The following FRYL variants were observed in gnomAD, a reference collection of about 807,000 sequenced individuals.
The protein encoded by FRYL is FRY like transcription coactivator.
FRYL carries 150 observed loss-of-function variants against 351.2 expected under a neutral mutation model. The observed-to-expected ratio is 0.43, with a 90% CI of 0.37 to 0.49. The LOEUF is 0.49. FRYL is among the 20% of genes least tolerant of loss of function. FRYL has a pLI of 0.00. For synonymous variants in FRYL, 1,153 were observed against 1,257.1 expected (o/e 0.92, Z 1.75); for missense variants, 3,036 against 3,619.3 (o/e 0.84, Z 4.13).
At chr4:48,649,446 T>A (rs1430476079) in intron 3 of FRYL, among the ~76,000 whole-genome samples, 2 of 152,216 alleles carry the variant, frequency 1.3e-5, no homozygotes, top group African/African-American at 4.8e-5. Context: ...CATAAAAGTA[T>A]GTATGCAAAA....
intron 5 of FRYL, among the ~76,000 whole-genome samples, chr4:48,621,022 C>T (rs1750535962): frequency 1.3e-5 from 2 of 152,180 alleles, no homozygotes; most frequent in African/African-American, 4.8e-5. Context: ...TTCCCTGCCT[C>T]CATATGCCAC....
chr4:48,654,298 CAAAAAAA>C (rs34418324), intron 3 of FRYL, among the ~76,000 whole-genome samples: 1 of 123,648 alleles, frequency 8.1e-6, no homozygotes, highest in Non-Finnish European at 1.7e-5. Flanking sequence ...AATAGCTGAT[CAAAAAAA>C]AAAAAAAAAC....
chr4:48,634,120 C>T (rs914992518), intron 4 of FRYL, among the ~76,000 whole-genome samples, 171 bp downstream of exon 4: 6 of 152,024 alleles, frequency 3.9e-5, no homozygotes, highest in South Asian at 2.1e-4. Flanking sequence ...TGTTCTTTTG[C>T]GACCTGCAGC....
At chr4:48,714,017 G>A (rs901461290) in intron 1 of FRYL, among the ~76,000 whole-genome samples, 6 of 151,742 alleles carry the variant, frequency 4.0e-5, no homozygotes, top group African/African-American at 1.5e-4. Context: ...GCTCCTGAAC[G>A]ACTACTGGGT....
At chr4:48,704,386 GAC>G (rs1347637781) in intron 2 of FRYL, among the ~76,000 whole-genome samples, 2 of 152,018 alleles carry the variant, frequency 1.3e-5, no homozygotes, top group Non-Finnish European at 2.9e-5. Context: ...CTCAAAATTT[GAC>G]AACATATTCT....
intron 13 of FRYL, among the ~76,000 whole-genome samples, chr4:48,601,617 TA>T (rs1339808552): frequency 2.0e-5 from 3 of 152,188 alleles, no homozygotes; most frequent in Non-Finnish European, 4.4e-5. Context: ...ATTTTAGTGA[TA>T]TTATCAAAGC....
At chr4:48,634,623 T>C (rs1009419303) in intron 3 of FRYL, 133 bp from the exon 4 acceptor site, 3 of 567,146 alleles carry the variant, frequency 5.3e-6, no homozygotes, top group East Asian at 3.4e-5. Context: ...CCATAATCCA[T>C]TTTGTCTATT....
chr4:48,515,033 C>A lies in FRYL; in HGVS notation c.7932G>T (p.Leu2644=). 6.2e-7 allele frequency: 1 copy of A among 1,613,258 alleles called. No individual in the cohort carries two copies. The highest frequency in any genetic ancestry group is 1.1e-5 in the South Asian group (1 of 91,006). The change falls in exon 56 of 64, where the codon CTG becomes CTT. Residue 2644 remains leucine, a synonymous_variant. Coordinates refer to ENST00000358350, the MANE Select transcript of FRYL (RefSeq NM_015030.2). ...TTATGATACTGTATTCTCACCTAGA[C>A]AGTCCGGAGAAATCCGCTTCTTCTT... is the stretch of plus-strand genomic sequence containing the variant. ...CEEEEADFSG[L]SSQDEEEQDG... is the part of the protein sequence containing the mutation.
intron 7 of FRYL, among the ~76,000 whole-genome samples, chr4:48,610,362 T>A (rs1389780145): frequency 6.6e-6 from 1 of 151,948 alleles, no homozygotes; most frequent in East Asian, 1.9e-4. Context: ...ATTTTAAACA[T>A]TTAAACCAGT....
intron 13 of FRYL, among the ~76,000 whole-genome samples, chr4:48,601,564 T>C (rs1298017881): frequency 6.6e-6 from 1 of 152,164 alleles, no homozygotes; most frequent in Non-Finnish European, 1.5e-5. Context: ...TCTGTGCAGA[T>C]CCAGTACCAA....
At chr4:48,500,655 T>TC (rs1253110877) in intron 62 of FRYL, among the ~76,000 whole-genome samples, 1 of 152,184 alleles carries the variant, frequency 6.6e-6, no homozygotes, top group Non-Finnish European at 1.5e-5. Context: ...TTAAATCATT[T>TC]CCCCAGTGAT....
At chr4:48,582,780 T>C in intron 19 of FRYL, 46 bp from the exon 20 acceptor site, 9 of 1,258,928 alleles carry the variant, frequency 7.1e-6, no homozygotes, top group Non-Finnish European at 9.3e-6. Flanking sequence ...ACCTTTCAAT[T>C]AGTTTTATCA....
intron 3 of FRYL, among the ~76,000 whole-genome samples, chr4:48,683,072 T>C (rs990116349): frequency 3.3e-5 from 5 of 152,162 alleles, no homozygotes; most frequent in African/African-American, 1.2e-4. Flanking sequence ...ATATATACCA[T>C]AGAATACTAT....
intron 4 of FRYL, among the ~76,000 whole-genome samples, chr4:48,626,655 T>G (rs1751889283): frequency 6.6e-6 from 1 of 152,134 alleles, no homozygotes; most frequent in Admixed American, 6.5e-5. Flanking sequence ...AATTTCAGGA[T>G]GATTTTCTAA....
At chr4:48,592,355 G>A (rs1743591806) in intron 16 of FRYL, among the ~76,000 whole-genome samples, 1 of 151,682 alleles carries the variant, frequency 6.6e-6, no homozygotes, top group African/African-American at 2.4e-5. Context: ...TTAACTACAT[G>A]AGCTCTTACA....
intron 3 of FRYL, among the ~76,000 whole-genome samples, chr4:48,669,614 AT>A (rs955319572): frequency 2.8e-4 from 41 of 148,708 alleles, no homozygotes; most frequent in Admixed American, 1.4e-3. Flanking sequence ...GATATATATA[AT>A]TTTTATTACA....
At chr4:48,641,961 C>T (rs1247831102) in intron 3 of FRYL, among the ~76,000 whole-genome samples, 3 of 152,082 alleles carry the variant, frequency 2.0e-5, no homozygotes, top group African/African-American at 4.8e-5. Context: ...CCAATTGTAA[C>T]TTATTTGAGC....
intron 4 of FRYL, among the ~76,000 whole-genome samples, chr4:48,628,888 G>A (rs1157208344): frequency 6.6e-6 from 1 of 151,802 alleles, no homozygotes; most frequent in Admixed American, 6.6e-5. Context: ...AGATGGATAA[G>A]TAATAGACAT....
intron 3 of FRYL, among the ~76,000 whole-genome samples, chr4:48,651,539 C>T (rs1757708549): frequency 6.6e-6 from 1 of 152,048 alleles, no homozygotes; most frequent in South Asian, 2.1e-4. Context: ...TTTGGTAAGT[C>T]ACAGTGCACA....
Sources: gnomAD v4.1 joint callset for allele counts (sites outside exome capture counted in the v4.1 genomes callset) on GRCh38, gnomAD v4.1.1 for gene constraint, MANE v1.5 for transcripts, NCBI Gene and HGNC (gene_info 2026-07-23, HGNC 2026-07-21) for gene names.